Variants in ANAPC1 observed in about 807,000 individuals in gnomAD.
The protein encoded by ANAPC1 is anaphase promoting complex subunit 1, also known as anaphase-promoting complex subunit 1.
ANAPC1 carries 36 observed loss-of-function variants against 208.0 expected under a neutral mutation model. The observed-to-expected ratio is 0.17, with a 90% CI of 0.13 to 0.23. The LOEUF is 0.23. Among genes scored for constraint, ANAPC1 ranks in the 10% least tolerant of loss-of-function variants. ANAPC1 has a pLI of 1.00. For synonymous variants in ANAPC1, 378 were observed against 695.2 expected (o/e 0.54, Z 7.18); for missense variants, 942 against 2,011.6 (o/e 0.47, Z 10.17).
At chr2:111,795,035 T>C in intron 34 of ANAPC1, 141 bp from the exon 35 acceptor site, 2 of 876,322 alleles carry the variant, frequency 2.3e-6, no homozygotes. Flanking sequence ...CAAAAGCCTA[T>C]ATTTTAATCT....
At chr2:111,856,355 C>A in intron 13 of ANAPC1, 3 of 329,424 alleles carry the variant, frequency 9.1e-6, no homozygotes, top group East Asian at 5.8e-5. Flanking sequence ...AAAAAAAAAT[C>A]TACCTATACT....
intron 18 of ANAPC1, among the ~76,000 whole-genome samples, chr2:111,835,867 A>C (rs1680439523): frequency 6.6e-6 from 1 of 152,032 alleles, no homozygotes; most frequent in Admixed American, 6.6e-5. Flanking sequence ...TAAAATAAAA[A>C]ACTGATAAAT....
chr2:111,788,426 A>G, intron 38 of ANAPC1, 106 bp from the exon 39 acceptor site: 3 of 1,426,390 alleles, frequency 2.1e-6, no homozygotes, highest in South Asian at 2.6e-5. Flanking sequence ...AGGCATACTG[A>G]TAAGATGCCC....
At chr2:111,827,265 CA>C (rs780349227) in intron 21 of ANAPC1, among the ~76,000 whole-genome samples, 1 of 152,142 alleles carries the variant, frequency 6.6e-6, no homozygotes, top group Non-Finnish European at 1.5e-5. Context: ...AAAAGTCTCT[CA>C]AAAGAGTTAA....
In ANAPC1 at chr2:111,872,640, C is replaced by T; in HGVS notation, c.601G>A (p.Gly201Ser). ...GAATAAAATGAATACCTGGGTGAAC[C>T]TGGAGGTACTTCATGTGAAGAAGCG... ...RSASSHEVPP[G>S]SPREPLPTMF... The change falls in exon 6 of 48, where the codon GGT becomes AGT. Residue 201 changes from glycine (G) to serine (S), a missense_variant. Physicochemically the swap from Gly to Ser is moderately conservative, Grantham distance 56. Coordinates refer to ENST00000341068, the MANE Select transcript of ANAPC1 (RefSeq NM_022662.4). 6.2e-7 allele frequency: 1 copy of T among 1,612,080 alleles called. No individual in the cohort carries two copies. Among genetic ancestry groups the T allele is most frequent in the Admixed American group, 1.7e-5 (1 of 59,982 alleles).
intron 7 of ANAPC1, among the ~76,000 whole-genome samples, chr2:111,867,690 CAAAA>C (rs34739497): frequency 4.9e-5 from 7 of 141,458 alleles, no homozygotes; most frequent in Admixed American, 7.0e-5. Context: ...AGACCCCTCT[CAAAA>C]AAAAAAAAAA....
At chr2:111,772,177 A>C (rs1453201180) in intron 47 of ANAPC1, among the ~76,000 whole-genome samples, 164 bp downstream of exon 47, 38 of 148,306 alleles carry the variant, frequency 2.6e-4, no homozygotes, top group African/African-American at 9.4e-4. Context: ...ATTCATATAT[A>C]AAGTTGATAA....
At chr2:111,790,537 C>CG (rs1346890311) in intron 38 of ANAPC1, among the ~76,000 whole-genome samples, 1 of 151,564 alleles carries the variant, frequency 6.6e-6, no homozygotes, top group Non-Finnish European at 1.5e-5. Context: ...TCAATAGCAG[C>CG]GGGAAAAAAA....
intron 3 of ANAPC1, among the ~76,000 whole-genome samples, chr2:111,878,047 G>A (rs1170145999): frequency 6.6e-6 from 1 of 152,104 alleles, no homozygotes; most frequent in African/African-American, 2.4e-5. Context: ...ACTTGATTGA[G>A]GTGGAGACTG....
chr2:111,813,371 T>A (rs1012776219), intron 28 of ANAPC1, among the ~76,000 whole-genome samples: 1 of 152,048 alleles, frequency 6.6e-6, no homozygotes, highest in African/African-American at 2.4e-5. Context: ...TTAGCTCACA[T>A]GGGAACCACC....
chr2:111,794,708 T>A, intron 35 of ANAPC1, 110 bp downstream of exon 35: 1 of 1,367,440 alleles, frequency 7.3e-7, no homozygotes. Context: ...TAGAAATATG[T>A]GGGATTCATA....
intron 21 of ANAPC1, 131 bp from the exon 22 acceptor site, chr2:111,825,986 C>G (rs1340491663): frequency 1.5e-6 from 1 of 656,552 alleles, no homozygotes; most frequent in Non-Finnish European, 2.5e-6. Flanking sequence ...AAGCAATCTT[C>G]CTGCTTCAGT....
At chr2:111,868,590 G>A (rs1682562524) in intron 6 of ANAPC1, among the ~76,000 whole-genome samples, 1 of 152,156 alleles carries the variant, frequency 6.6e-6, no homozygotes, top group South Asian at 2.1e-4. Flanking sequence ...GAGTGCAGGG[G>A]CATCATCTCG....
At chr2:111,833,681 T>TAAAAAA (rs372311361) in intron 19 of ANAPC1, among the ~76,000 whole-genome samples, 57 of 85,994 alleles carry the variant, frequency 6.6e-4, no homozygotes, top group African/African-American at 1.8e-3. Context: ...ATAAAATATG[T>TAAAAAA]AAAAAAAAAA....
At chr2:111,782,030 T>C (rs1677308975) in intron 43 of ANAPC1, among the ~76,000 whole-genome samples, 1 of 152,202 alleles carries the variant, frequency 6.6e-6, no homozygotes. Context: ...ATTTTTGCTA[T>C]GAAATTAAGT....
At position 111,824,318 on chromosome 2, in the gene ANAPC1, A is replaced by AT. The variant is rs529515374; in HGVS notation, c.2812+647dup. 6.0e-5 allele frequency among the ~76,000 whole-genome samples: 9 copies of AT among 150,550 alleles called. No individual in the cohort carries two copies. In the South Asian group the frequency reaches 1.9e-3, roughly 32 times the overall value. The stretch of plus-strand genomic sequence containing the variant: ...TAAGACTTCAAAAACATCTTTTAAT[A>AT]TTCATTAAAACTTTACTTTTTAACA... On this transcript the variant is annotated intron_variant, in intron 24 of 47. Transcript: ENST00000341068.
At chr2:111,880,502 A>G in intron 2 of ANAPC1, 111 bp downstream of exon 2, 1 of 1,465,782 alleles carries the variant, frequency 6.8e-7, no homozygotes, top group Non-Finnish European at 9.0e-7. Context: ...CCTTAACTCT[A>G]CTCTAGAAGT....
At chr2:111,875,078 C>T (rs185147369) in intron 3 of ANAPC1, among the ~76,000 whole-genome samples, 1 of 152,326 alleles carries the variant, frequency 6.6e-6, no homozygotes, top group Non-Finnish European at 1.5e-5. Flanking sequence ...TTCTGGACAT[C>T]CTCACCAACA....
intron 7 of ANAPC1, among the ~76,000 whole-genome samples, chr2:111,867,493 C>T (rs1347191595): frequency 1.3e-5 from 2 of 152,034 alleles, no homozygotes; most frequent in South Asian, 4.1e-4. Context: ...GAGTTCGATA[C>T]CAGCCTGGCT....
Sources: allele counts gnomAD v4.1 joint callset (sites outside exome capture counted in the v4.1 genomes callset), GRCh38; gene constraint gnomAD v4.1.1; transcripts MANE v1.5; gene names NCBI Gene and HGNC (gene_info 2026-07-23, HGNC 2026-07-21).